The following SDK2 variants were observed in gnomAD, a reference collection of about 807,000 sequenced individuals.
The protein encoded by SDK2 is sidekick cell adhesion molecule 2.
A neutral mutation model predicts 253.9 loss-of-function variants in SDK2; 105 were observed. The ratio of observed to expected loss-of-function variants is 0.41; its 90% CI spans 0.35 to 0.49. The LOEUF is 0.49. SDK2 is among the 20% of genes least tolerant of loss of function. SDK2 has a pLI of 0.06. For missense variants in SDK2, 2,608 were observed against 3,003.0 expected (o/e 0.87, Z 3.07); for synonymous variants, 1,249 against 1,234.9 (o/e 1.01, Z -0.24).
chr17:73,419,327 GCT>G (rs1200196623), intron 15 of SDK2, 21 bp from the exon 16 acceptor site: 1 of 1,607,244 alleles, frequency 6.2e-7, no homozygotes, highest in East Asian at 2.2e-5. Flanking sequence ...AAACACCAAT[GCT>G]CTTAGTCTTG....
In SDK2 at chr17:73,395,307, G is replaced by T; in HGVS notation, c.3440C>A (p.Thr1147Lys). The part of the protein sequence containing the change: ...KYSRSDGHGK[T>K]LSHVVQDRVE... ...ACGGTCCTGCACCACGTGGCTCAGC[G>T]TCTTGCCATGCCCGTCTGACCGGCT... Residue 1147 changes from threonine (T) to lysine (K), a missense_variant, in exon 25 of 45, where the codon ACG becomes AAG. Physicochemically the swap from Thr to Lys is moderately conservative, Grantham distance 78 (BLOSUM62 -1). Transcript: ENST00000392650. This position sits in a 1 kb window ranked among gnomAD's most constrained non-coding sequence, Gnocchi z 4.3. 1 of 1,614,008 alleles carries T rather than the reference G, an allele frequency of 6.2e-7. No individual in the cohort carries two copies. Among genetic ancestry groups the T allele is most frequent in the South Asian group, 1.1e-5 (1 of 91,082 alleles).
intron 32 of SDK2, among the ~76,000 whole-genome samples, 184 bp from the exon 33 acceptor site, chr17:73,384,195 C>A (rs1226000607): frequency 6.6e-6 from 1 of 152,170 alleles, no homozygotes; most frequent in African/African-American, 2.4e-5. Context: ...TTCATCCCTG[C>A]AGCATTCCCT....
At chr17:73,567,529 C>T (rs1444555085) in intron 1 of SDK2, among the ~76,000 whole-genome samples, 2 of 152,368 alleles carry the variant, frequency 1.3e-5, no homozygotes, top group South Asian at 2.1e-4. Context: ...GCCTCCAGAC[C>T]TCAGCGTGGT....
intron 1 of SDK2, chr17:73,517,731 A>G (rs1424309530): frequency 6.6e-6 from 1 of 152,258 alleles, no homozygotes; most frequent in African/African-American, 2.4e-5. Flanking sequence ...CCGTCATTCC[A>G]CAGAAGGCAG....
At chr17:73,508,159 A>G (rs1191787004) in intron 1 of SDK2, among the ~76,000 whole-genome samples, 2 of 152,242 alleles carry the variant, frequency 1.3e-5, no homozygotes, top group African/African-American at 4.8e-5. Flanking sequence ...TCCTGGAGCC[A>G]GCCTGCCTCT....
In SDK2 at chr17:73,447,601, C is replaced by T; in HGVS notation, c.613+14G>A. 2 of 1,551,876 alleles carry T rather than the reference C, an allele frequency of 1.3e-6. No individual in the cohort carries two copies. Among genetic ancestry groups the T allele is most frequent in the Non-Finnish European group, 1.7e-6 (2 of 1,147,028 alleles). On this transcript the variant is annotated intron_variant, in intron 5 of 44. Coordinates refer to ENST00000392650, the MANE Select transcript of SDK2 (RefSeq NM_001144952.2). The surrounding 1 kb of genome is among the most constrained non-coding windows in gnomAD (Gnocchi z 4.0). ...GCCCGCTCCAAGATCGGTCCCGGCC[C>T]TGTGCGTACTTACTCTCCACGGTGA...
rs1415285248 is a variant in SDK2, at chr17:73,616,165, G to A, written c.64+27860C>T. Reference sequence around the variant, plus strand: ...CTCCTCTTCCCCAGAACATCAGGAAGCGACCAGAAAGGCAAGCCACTTGCA... The same window carrying A: ...CTCCTCTTCCCCAGAACATCAGGAAACGACCAGAAAGGCAAGCCACTTGCA... On this transcript the variant is annotated intron_variant, in intron 1 of 44. Coordinates refer to ENST00000392650, the MANE Select transcript of SDK2 (RefSeq NM_001144952.2). This position sits in a 1 kb window ranked among gnomAD's most constrained non-coding sequence, Gnocchi z 5.2. 6.6e-6 allele frequency among the ~76,000 whole-genome samples: 1 copy of A among 152,172 alleles called. No individual in the cohort carries two copies. Among genetic ancestry groups the A allele is most frequent in the African/African-American group, 2.4e-5 (1 of 41,432 alleles).
At chr17:73,453,332 AAAAAG>A (rs1207486057) in intron 4 of SDK2, among the ~76,000 whole-genome samples, 9 of 152,184 alleles carry the variant, frequency 5.9e-5, no homozygotes, top group Admixed American at 5.9e-4. Flanking sequence ...GACTCACAAG[AAAAAG>A]AAATGTGTAT....
At chr17:73,345,468 C>T (rs978367591) in intron 44 of SDK2, among the ~76,000 whole-genome samples, 2 of 152,134 alleles carry the variant, frequency 1.3e-5, no homozygotes, top group Non-Finnish European at 2.9e-5. Flanking sequence ...TATTATAACG[C>T]AACATTCATT....
chr17:73,451,402 G>T (rs1180952788), intron 4 of SDK2, among the ~76,000 whole-genome samples: 1 of 152,234 alleles, frequency 6.6e-6, no homozygotes, highest in Non-Finnish European at 1.5e-5. Flanking sequence ...GCTACTGGAG[G>T]CTGAGGCAGG....
rs1355576122 is a variant in SDK2, at chr17:73,334,463, ATTTC to A, written c.*4120_*4123del. The A allele has an allele frequency of 6.6e-6, 1 of 152,186 alleles. No homozygotes were observed. Among genetic ancestry groups the A allele is most frequent in the Non-Finnish European group, 1.5e-5 (1 of 68,032 alleles). The allele number at this position is 152,186 out of a possible 1,614,324, so 9.4% of individuals were successfully genotyped here. A position where few individuals can be genotyped will look rare whatever the true frequency, so the allele number is the denominator to read the frequency against. ...TTCTTGTGGTATATATTTCAAATCA[ATTTC>A]TTTCTTACCTTTCATTTAAAAAATA... On this transcript the variant is annotated 3_prime_UTR_variant, in exon 45 of 45. Coordinates refer to ENST00000392650, the MANE Select transcript of SDK2 (RefSeq NM_001144952.2).
intron 1 of SDK2, among the ~76,000 whole-genome samples, chr17:73,515,333 G>A (rs939505658): frequency 3.9e-5 from 6 of 152,200 alleles, no homozygotes; most frequent in Non-Finnish European, 5.9e-5. Context: ...AAGGAGGTTG[G>A]TGGCCTCTCT....
chr17:73,520,786 C>G (rs2064072447), intron 1 of SDK2: 1 of 152,294 alleles, frequency 6.6e-6, no homozygotes. Context: ...CCTTCCCCCT[C>G]TTGCCATCAA....
In SDK2 at chr17:73,609,327, C is replaced by G. The variant is rs963075788; in HGVS notation, c.64+34698G>C. On this transcript the variant is annotated intron_variant, in intron 1 of 44. Coordinates refer to ENST00000392650, the MANE Select transcript of SDK2 (RefSeq NM_001144952.2). This position sits in a 1 kb window ranked among gnomAD's most constrained non-coding sequence, Gnocchi z 4.4. Reference sequence around the variant, plus strand: ...AGGAGGAGAGAGCCCAGAACTGAGTCCAGAACGCCCTGACATCAGAGGCTG... The same window carrying G: ...AGGAGGAGAGAGCCCAGAACTGAGTGCAGAACGCCCTGACATCAGAGGCTG... Among the ~76,000 whole-genome samples the G allele has an allele frequency of 6.6e-6, 1 of 152,114 alleles. No individual in the cohort carries two copies. The highest frequency in any genetic ancestry group is 2.4e-5 in the African/African-American group (1 of 41,402).
At chr17:73,437,459 A>G (rs2063379106) in intron 8 of SDK2, among the ~76,000 whole-genome samples, 3 of 152,082 alleles carry the variant, frequency 2.0e-5, no homozygotes. Context: ...CAGCTCTCAA[A>G]TTTTGGGAAA....
chr17:73,479,226 G>T (rs778503662), intron 2 of SDK2, among the ~76,000 whole-genome samples: 9 of 152,250 alleles, frequency 5.9e-5, no homozygotes, highest in Non-Finnish European at 8.8e-5. Context: ...GCCAACACAG[G>T]TTCCAGGAAC....
chr17:73,394,923 G>A (rs1599520401), intron 25 of SDK2, among the ~76,000 whole-genome samples: 1 of 152,300 alleles, frequency 6.6e-6, no homozygotes, highest in East Asian at 1.9e-4. Context: ...TCCAGAGGCA[G>A]GGATACCCCC....
chr17:73,573,192 C>T (rs2045412424), intron 1 of SDK2, among the ~76,000 whole-genome samples: 1 of 152,218 alleles, frequency 6.6e-6, no homozygotes, highest in South Asian at 2.1e-4. Flanking sequence ...GCAGAGAACA[C>T]ACTCTGGGCC....
At chr17:73,354,522 G>A (rs1352494990) in intron 40 of SDK2, among the ~76,000 whole-genome samples, 5 of 152,112 alleles carry the variant, frequency 3.3e-5, no homozygotes, top group African/African-American at 7.2e-5. Flanking sequence ...GAGAGGGTGC[G>A]TCTTCCTGCT....
Sources: gnomAD v4.1 joint callset for allele counts (sites outside exome capture counted in the v4.1 genomes callset) on GRCh38, gnomAD v4.1.1 for gene constraint, Gnocchi (gnomAD v3.1) non-coding constraint, MANE v1.5 for transcripts, NCBI Gene and HGNC (gene_info 2026-07-23, HGNC 2026-07-21) for gene names.